Variants in ULK4 observed in about 807,000 individuals in gnomAD.
ULK4 encodes the protein unc-51 like kinase 4.
A neutral mutation model predicts 160.6 loss-of-function variants in ULK4; 133 were observed. The ratio of observed to expected loss-of-function variants is 0.83; its 90% CI spans 0.72 to 0.96. ULK4 has a LOEUF of 0.96. Among genes scored for constraint, ULK4 ranks in the 40% least tolerant of loss-of-function variants. The pLI, the probability that ULK4 is intolerant of heterozygous loss-of-function variation, is 0.00. For synonymous variants in ULK4, 534 were observed against 539.8 expected (o/e 0.99, Z 0.15); for missense variants, 1,580 against 1,499.5 (o/e 1.05, Z -0.89).
chr3:41,373,321 C>T (rs2081410740), intron 35 of ULK4, among the ~76,000 whole-genome samples: 2 of 152,150 alleles, frequency 1.3e-5, no homozygotes. Context: ...CACCCCAAAT[C>T]AACAGAATAT....
At chr3:41,639,856 C>CA (rs2034112786) in intron 30 of ULK4, among the ~76,000 whole-genome samples, 1 of 151,694 alleles carries the variant, frequency 6.6e-6, no homozygotes, top group Admixed American at 6.6e-5. Flanking sequence ...GATATTTTTT[C>CA]AAAAAATTAG....
chr3:41,843,744 G>A (rs1348076900), intron 17 of ULK4, among the ~76,000 whole-genome samples: 1 of 152,096 alleles, frequency 6.6e-6, no homozygotes, highest in Non-Finnish European at 1.5e-5. Flanking sequence ...TGTGGAAGGG[G>A]ACCCGAGTGG....
At chr3:41,479,401 A>G (rs2084244183) in intron 32 of ULK4, among the ~76,000 whole-genome samples, 1 of 152,242 alleles carries the variant, frequency 6.6e-6, no homozygotes, top group Non-Finnish European at 1.5e-5. Context: ...CCATATAAAT[A>G]TATTGGAATA....
chr3:41,682,126 T>C (rs2035943854), intron 27 of ULK4, among the ~76,000 whole-genome samples: 1 of 152,196 alleles, frequency 6.6e-6, no homozygotes. Context: ...CAAATTAGTA[T>C]GTATAAGCTG....
chr3:41,506,767 A>AAAAAAAAAATATATATATATAT, intron 32 of ULK4, among the ~76,000 whole-genome samples: 1 of 56,766 alleles, frequency 1.8e-5, no homozygotes, highest in African/African-American at 8.2e-5. Context: ...TGTGATTTAA[A>AAAAAAAAAATATATATATATAT]ATATATATAT....
intron 34 of ULK4, among the ~76,000 whole-genome samples, chr3:41,405,070 G>A (rs186333232): frequency 3.3e-5 from 5 of 152,202 alleles, no homozygotes; most frequent in East Asian, 1.9e-4. Flanking sequence ...CATTGCTCCC[G>A]TCACCCAGGT....
chr3:41,949,315 G>GACACAC (rs150637849), intron 2 of ULK4, among the ~76,000 whole-genome samples: 3 of 141,966 alleles, frequency 2.1e-5, no homozygotes, highest in African/African-American at 7.5e-5. Flanking sequence ...CACACACACA[G>GACACAC]ACACACACAC....
At chr3:41,506,718 T>C (rs1222280256) in intron 32 of ULK4, among the ~76,000 whole-genome samples, 1 of 132,848 alleles carries the variant, frequency 7.5e-6, no homozygotes, top group Non-Finnish European at 1.5e-5. Context: ...AAGTGTTTTG[T>C]TATTTTAGAC....
chr3:41,405,650 A>G (rs2082278704), intron 34 of ULK4, among the ~76,000 whole-genome samples: 1 of 152,122 alleles, frequency 6.6e-6, no homozygotes, highest in South Asian at 2.1e-4. Flanking sequence ...TTGACATTTT[A>G]ATAACAGCTA....
chr3:41,424,831 C>CAAAAAAAAAAAAAAAAAAAAA (rs36097613), intron 34 of ULK4, among the ~76,000 whole-genome samples: 24 of 62,360 alleles, frequency 3.8e-4, no homozygotes, highest in Middle Eastern at 0.013. Context: ...AAGAAATCAT[C>CAAAAAAAAAAAAAAAAAAAAA]AAAAAAAAAA....
chr3:41,394,579 G>T (rs1361240248), intron 35 of ULK4, among the ~76,000 whole-genome samples: 1 of 152,016 alleles, frequency 6.6e-6, no homozygotes, highest in East Asian at 1.9e-4. Context: ...AGATCATATT[G>T]GAAGTGAAAA....
At chr3:41,406,895 G>A (rs1280532590) in intron 34 of ULK4, among the ~76,000 whole-genome samples, 1 of 152,226 alleles carries the variant, frequency 6.6e-6, no homozygotes, top group Non-Finnish European at 1.5e-5. Context: ...GTCCCTAAGA[G>A]ATGGGACACA....
At chr3:41,452,845 A>T (rs2083452369) in intron 34 of ULK4, among the ~76,000 whole-genome samples, 1 of 152,178 alleles carries the variant, frequency 6.6e-6, no homozygotes, top group Non-Finnish European at 1.5e-5. Context: ...TCCAAAACTT[A>T]AAAACAGCCA....
At chr3:41,377,801 T>C (rs1380773079) in intron 35 of ULK4, among the ~76,000 whole-genome samples, 2 of 148,014 alleles carry the variant, frequency 1.4e-5, no homozygotes, top group African/African-American at 5.1e-5. Flanking sequence ...TCAACCATTG[T>C]GGAAGTCAGT....
chr3:41,292,952 A>G (rs1404754967), intron 35 of ULK4, among the ~76,000 whole-genome samples: 3 of 151,896 alleles, frequency 2.0e-5, no homozygotes, highest in Admixed American at 6.6e-5. Context: ...TCAAAAAAAT[A>G]AAAAAATAAA....
intron 30 of ULK4, among the ~76,000 whole-genome samples, chr3:41,640,686 A>G (rs1004058806): frequency 1.3e-5 from 2 of 152,212 alleles, no homozygotes; most frequent in Non-Finnish European, 2.9e-5. Context: ...GGCATAGTGT[A>G]CCTGAGACTT....
At chr3:41,298,911 T>C (rs530264019) in intron 35 of ULK4, among the ~76,000 whole-genome samples, 175 of 152,292 alleles carry the variant, frequency 1.1e-3, no homozygotes, top group African/African-American at 4.1e-3. Flanking sequence ...AACTTGACAA[T>C]TCAGTGAGTC....
rs371158713 is a variant in ULK4 at position 41,246,982 on chromosome 3, C to T, written c.3775G>A (p.Asp1259Asn). Residue 1259 changes from aspartate to asparagine, a missense_variant, in exon 37 of 37, where the codon GAC becomes AAC. Transcript: ENST00000301831. ...RLAPGSGSFADSAVAPLALEI... is the reference protein window; with the variant it reads ...RLAPGSGSFANSAVAPLALEI... ...AGGGCCAAGGGAGCCACCGCACTGTCGGCAAATGAACTGTAAGAAAAACCA... is the reference window on the plus strand; with the variant it reads ...AGGGCCAAGGGAGCCACCGCACTGTTGGCAAATGAACTGTAAGAAAAACCA... 13 of 1,613,716 alleles carry T rather than the reference C, an allele frequency of 8.1e-6. No homozygotes were observed. The highest frequency in any genetic ancestry group is 4.0e-5 in the African/African-American group (3 of 74,946).
chr3:41,506,767 A>AAAAAAAAAAAAAAAATATATAT lies in ULK4; in HGVS notation c.3227-43515_3227-43514insATATATATTTTTTTTTTTTTTT. Among the ~76,000 whole-genome samples the AAAAAAAAAAAAAAAATATATAT allele has an allele frequency of 1.1e-4, 6 of 56,766 alleles. 1 individual carries two copies. The highest frequency in any genetic ancestry group is 2.5e-4 in the African/African-American group (3 of 12,210). 37.2% of individuals were successfully genotyped at this position (56,766 alleles called of 152,430 possible). A position where few individuals can be genotyped will look rare whatever the true frequency, so the allele number is the denominator to read the frequency against. On this transcript the variant is annotated intron_variant, in intron 32 of 36. Transcript: ENST00000301831. ...AGCAATACACTGGAGTGTGATTTAAAATATATATATATATATATATATATA... is the reference window on the plus strand; with the variant it reads ...AGCAATACACTGGAGTGTGATTTAAAAAAAAAAAAAAAAAATATATATATATATATATATATATATATATATA...
Sources: allele counts gnomAD v4.1 joint callset (sites outside exome capture counted in the v4.1 genomes callset), GRCh38; gene constraint gnomAD v4.1.1; transcripts MANE v1.5; gene names NCBI Gene and HGNC (gene_info 2026-07-23, HGNC 2026-07-21).